TCF4: variants seen among roughly 807,000 people sequenced by gnomAD.
The protein encoded by TCF4 is SL3-3 enhancer factor 2.
A neutral mutation model predicts 82.1 loss-of-function variants in TCF4; 3 were observed. That is an observed-to-expected ratio of 0.04 (90% CI 0.02 to 0.09). The LOEUF (loss-of-function observed/expected upper bound fraction) is 0.09, where lower values mean the gene tolerates loss of function less well. Among genes scored for constraint, TCF4 ranks in the 10% least tolerant of loss-of-function variants. The pLI is 1.00. For missense variants in TCF4, 518 were observed against 852.7 expected (o/e 0.61, Z 4.89); for synonymous variants, 276 against 309.6 (o/e 0.89, Z 1.14).
intron 5 of TCF4, chr18:55,422,462 A>C: frequency 3.1e-6 from 3 of 983,606 alleles, no homozygotes; most frequent in Non-Finnish European, 3.6e-6. Flanking sequence ...AAATTCTCAT[A>C]CTTGGGTCAC....
At chr18:55,364,518 T>C (rs1241063457) in intron 6 of TCF4, among the ~76,000 whole-genome samples, 1 of 152,190 alleles carries the variant, frequency 6.6e-6, no homozygotes, top group Non-Finnish European at 1.5e-5. Flanking sequence ...ATATTTGTTA[T>C]AAAAAATATA....
chr18:55,322,092 C>CTTTTTTTTTTTCTTTTTTTTTTTTTTTTT (rs2075666174), intron 8 of TCF4: 1 of 920,774 alleles, frequency 1.1e-6, no homozygotes, highest in Non-Finnish European at 1.3e-6. Context: ...TTTTTCTTTT[C>CTTTTTTTTTTTCTTTTTTTTTTTTTTTTT]TTTTTTTTTT....
At chr18:55,592,716 T>C (rs2097686922), upstream of TCF4, among the ~76,000 whole-genome samples, 1 of 152,108 alleles carries the variant, frequency 6.6e-6, no homozygotes, top group African/African-American at 2.4e-5. Flanking sequence ...TAGCCTATGG[T>C]GAGTGATGGA....
chr18:55,361,786 A>G (rs186376120), intron 6 of TCF4, among the ~76,000 whole-genome samples: 8 of 152,306 alleles, frequency 5.3e-5, no homozygotes, highest in Admixed American at 3.3e-4. Flanking sequence ...ATAACAGCAA[A>G]TATCTATACA....
At chr18:55,471,173 T>C (rs2096170096) in intron 3 of TCF4, among the ~76,000 whole-genome samples, 1 of 152,174 alleles carries the variant, frequency 6.6e-6, no homozygotes, top group African/African-American at 2.4e-5. Context: ...GTAGAGTAAT[T>C]TGAAGTCAAA....
intron 6 of TCF4, among the ~76,000 whole-genome samples, chr18:55,369,317 G>T (rs973875274): frequency 6.6e-6 from 1 of 152,170 alleles, no homozygotes; most frequent in Non-Finnish European, 1.5e-5. Flanking sequence ...TTTACATTTT[G>T]TCTCTTTCTC....
At chr18:55,484,979 C>T (rs1384854847) in intron 3 of TCF4, among the ~76,000 whole-genome samples, 4 of 152,204 alleles carry the variant, frequency 2.6e-5, no homozygotes, top group Non-Finnish European at 5.9e-5. Flanking sequence ...CAGCCAATCA[C>T]ACCCCTTGCC....
intron 5 of TCF4, among the ~76,000 whole-genome samples, chr18:55,427,077 A>G: frequency 6.6e-6 from 1 of 152,208 alleles, no homozygotes; most frequent in East Asian, 1.9e-4. Context: ...TTGAGAATAT[A>G]AGGGGGAAAA....
intron 6 of TCF4, among the ~76,000 whole-genome samples, chr18:55,391,116 C>T (rs892421904): frequency 2.0e-5 from 3 of 152,204 alleles, no homozygotes; most frequent in African/African-American, 7.2e-5. Flanking sequence ...ATTGTCCATA[C>T]AAATCTTTTA....
chr18:55,576,090 C>A (rs1414910502), intron 3 of TCF4, among the ~76,000 whole-genome samples: 2 of 152,128 alleles, frequency 1.3e-5, no homozygotes, highest in South Asian at 2.1e-4. Flanking sequence ...AATGTGAAAA[C>A]CCCTCTTGAA....
chr18:55,410,279 A>C (rs960809020), intron 5 of TCF4, among the ~76,000 whole-genome samples: 6 of 152,028 alleles, frequency 3.9e-5, no homozygotes, highest in African/African-American at 1.2e-4. Flanking sequence ...GAAATTGGGG[A>C]GTTTTGGCTG....
At chr18:55,318,623 C>G (rs967001500) in intron 8 of TCF4, among the ~76,000 whole-genome samples, 2 of 151,944 alleles carry the variant, frequency 1.3e-5, no homozygotes, top group African/African-American at 4.8e-5. Flanking sequence ...TCTTGTGTTA[C>G]GATTTTTTGT....
At chr18:55,603,598 G>A (rs896180900) in intron 2 of TCF4, among the ~76,000 whole-genome samples, 1 of 152,114 alleles carries the variant, frequency 6.6e-6, no homozygotes, top group Admixed American at 6.5e-5. Flanking sequence ...GTTAATAACA[G>A]GTGGAACAGG....
intron 5 of TCF4, among the ~76,000 whole-genome samples, chr18:55,434,784 G>C (rs1006500265): frequency 1.3e-5 from 2 of 151,198 alleles, no homozygotes; most frequent in Non-Finnish European, 2.9e-5. Flanking sequence ...GTGTGTGTGT[G>C]TGTGTGTGTG....
Position 55,257,982 on chromosome 18 carries a change from T to C in TCF4, c.1070-591A>G, listed in dbSNP as rs183573669. ...CATTAAACTTGAAGGTAAAAAAAGA[T>C]TGCTGTTAGAATACATATTACATGT... On this transcript the variant is annotated intron_variant, in intron 13 of 19. Transcript: ENST00000354452. 7.2e-5 allele frequency among the ~76,000 whole-genome samples: 11 copies of C among 152,286 alleles called. No individual in the cohort carries two copies. In the South Asian group the frequency reaches 2.1e-3, roughly 29 times the overall value.
rs949566211 is a variant in TCF4, at chr18:55,588,189, C to T, written c.-172G>A. ...CGCCGCCGCCGCCGCCACTACAGAT[C>T]CGCAGACACACAGCCAAGATCCCTG... On this transcript the variant is annotated 5_prime_UTR_variant, in exon 1 of 20. Coordinates refer to ENST00000354452, the MANE Select transcript of TCF4 (RefSeq NM_001083962.2). 3 of 1,197,060 alleles carry T rather than the reference C, an allele frequency of 2.5e-6. No homozygotes were observed. The African/African-American group carries it at 4.8e-5, about 19-fold the overall frequency. The allele number at this position is 1,197,060 out of a possible 1,614,324, so 74.2% of individuals were successfully genotyped here. A position where few individuals can be genotyped will look rare whatever the true frequency, so the allele number is the denominator to read the frequency against.
chr18:55,234,712 G>A (rs1352303792), intron 15 of TCF4, 29 bp from the exon 16 acceptor site: 4 of 1,613,834 alleles, frequency 2.5e-6, no homozygotes, highest in African/African-American at 1.3e-5. Context: ...CCAGAGAGGT[G>A]AGCAGGAACC....
intron 3 of TCF4, among the ~76,000 whole-genome samples, chr18:55,466,627 G>C (rs1331615803): frequency 6.6e-6 from 1 of 152,152 alleles, no homozygotes; most frequent in Non-Finnish European, 1.5e-5. Flanking sequence ...TTATAATTTA[G>C]TAAGAACTCT....
intron 2 of TCF4, among the ~76,000 whole-genome samples, chr18:55,598,365 T>C (rs752302774): frequency 1.3e-5 from 2 of 152,208 alleles, no homozygotes; most frequent in African/African-American, 2.4e-5. Flanking sequence ...TTTGGATCCA[T>C]TGGCCTTTTT....
Sources: allele counts gnomAD v4.1 joint callset (sites outside exome capture counted in the v4.1 genomes callset), GRCh38; gene constraint gnomAD v4.1.1; transcripts MANE v1.5; gene names NCBI Gene and HGNC (gene_info 2026-07-23, HGNC 2026-07-21).